Variants in PRKAR1A observed in about 807,000 individuals in gnomAD.
PRKAR1A encodes the protein cAMP-dependent protein kinase type I-alpha regulatory subunit.
Under a neutral mutation model 52.0 loss-of-function variants are expected in PRKAR1A, and 3 were observed. The observed-to-expected ratio is 0.06, with a 90% confidence interval of 0.03 to 0.15. PRKAR1A has a LOEUF of 0.15. Ranked by LOEUF, PRKAR1A falls within the 10% of genes least tolerant of loss-of-function variation. The pLI, the probability that PRKAR1A is intolerant of heterozygous loss-of-function variation, is 1.00. For synonymous variants in PRKAR1A, 188 were observed against 168.4 expected (o/e 1.12, Z -0.90); for missense variants, 240 against 477.4 (o/e 0.50, Z 4.63).
the PRKAR1A span, among the ~76,000 whole-genome samples, chr17:68,448,825 A>C: frequency 6.6e-6 from 1 of 152,354 alleles, no homozygotes; most frequent in East Asian, 1.9e-4. Flanking sequence ...AAAACACCTG[A>C]GTCAAGAATT....
At chr17:68,500,695 T>G in the PRKAR1A span, among the ~76,000 whole-genome samples, 1 of 152,030 alleles carries the variant, frequency 6.6e-6, no homozygotes, top group Admixed American at 6.6e-5. Context: ...TTTTCTATTT[T>G]TAGTAGAGAT....
intron 11 of PRKAR1A, among the ~76,000 whole-genome samples, chr17:68,540,160 G>A (rs2143465069): frequency 6.6e-6 from 1 of 152,294 alleles, no homozygotes; most frequent in Non-Finnish European, 1.5e-5. Flanking sequence ...AGCGAAACAA[G>A]CAAACCCTAA....
intron 5 of PRKAR1A, 27 bp from the exon 6 acceptor site, chr17:68,524,885 G>A (rs763511465): frequency 6.4e-6 from 10 of 1,559,500 alleles, no homozygotes; most frequent in Non-Finnish European, 8.0e-6. Context: ...TTTGGAATAT[G>A]CTTCTAACTT....
Position 68,529,973 on chromosome 17 carries a change from G to C in PRKAR1A, c.945G>C (p.Val315=). The change falls in exon 10 of 11, where the codon GTG becomes GTC. Residue 315 remains valine, a synonymous_variant. Coordinates refer to ENST00000589228, the MANE Select transcript of PRKAR1A (RefSeq NM_002734.5). The part of the protein sequence containing the change: ...RRSENEEFVE[V]GRLGPSDYFG... ...CAGAAAATGAAGAGTTTGTTGAAGT[G>C]GGAAGATTGGGGCCTTCTGATTATT... 1.2e-6 allele frequency: 2 copies of C among 1,614,016 alleles called. No individual in the cohort carries two copies. The highest frequency in any genetic ancestry group is 1.7e-6 in the Non-Finnish European group (2 of 1,179,960).
the PRKAR1A span, among the ~76,000 whole-genome samples, chr17:68,482,769 G>A: frequency 6.6e-6 from 1 of 152,212 alleles, no homozygotes; most frequent in African/African-American, 2.4e-5. Flanking sequence ...GGTGGACAAA[G>A]GAAGGGCCAG....
At chr17:68,483,004 C>A in the PRKAR1A span, among the ~76,000 whole-genome samples, 2 of 152,146 alleles carry the variant, frequency 1.3e-5, no homozygotes, top group Non-Finnish European at 2.9e-5. Flanking sequence ...ACAAATCATG[C>A]TGTGGTGTCA....
the PRKAR1A span, chr17:68,420,175 C>A: frequency 6.2e-7 from 1 of 1,612,548 alleles, no homozygotes; most frequent in South Asian, 1.1e-5. Context: ...CATTTGTTGT[C>A]ATTCCCTCTC....
the PRKAR1A span, among the ~76,000 whole-genome samples, chr17:68,489,997 A>T: frequency 6.6e-6 from 1 of 152,236 alleles, no homozygotes; most frequent in Non-Finnish European, 1.5e-5. Context: ...ATTTGCCCTG[A>T]TTACTCAACA....
chr17:68,494,534 T>G, the PRKAR1A span, among the ~76,000 whole-genome samples: 3 of 151,854 alleles, frequency 2.0e-5, no homozygotes, highest in Middle Eastern at 3.2e-3. Context: ...GAGGGAGACT[T>G]TGTCTCAAAA....
the PRKAR1A span, among the ~76,000 whole-genome samples, chr17:68,494,960 A>G: frequency 8.9e-3 from 1,354 of 152,324 alleles, 29 homozygotes; most frequent in African/African-American, 0.031. Flanking sequence ...TATTAAACAA[A>G]GAAAGTCTTC....
At position 68,532,096 on chromosome 17, in the gene PRKAR1A, G is replaced by A; in HGVS notation, c.*1647G>A. 3 of 1,064,816 alleles carry A rather than the reference G, an allele frequency of 2.8e-6. No homozygotes were observed. The South Asian group carries it at 1.4e-4, about 49-fold the overall frequency. The allele number at this position is 1,064,816 out of a possible 1,614,324, so 66.0% of individuals were successfully genotyped here. On this transcript the variant is annotated 3_prime_UTR_variant, in exon 11 of 11. Transcript: ENST00000589228. ...GGGAAGAGGTTTTATTTACATTTTA[G>A]GGTGGGTAAGAAAGCCACCTTGTTA...
the PRKAR1A span, among the ~76,000 whole-genome samples, chr17:68,489,266 G>GTA: frequency 5.3e-3 from 49 of 9,312 alleles, 3 homozygotes; most frequent in South Asian, 0.014. Context: ...TATATGGAAA[G>GTA]TATATATATA....
Position 68,530,476 on chromosome 17 carries a change from T to C in PRKAR1A, c.*27T>C. On this transcript the variant is annotated 3_prime_UTR_variant, in exon 11 of 11. Coordinates refer to ENST00000589228, the MANE Select transcript of PRKAR1A (RefSeq NM_002734.5). ...ATCTGCCTCCTGTGCCTCCCTTTTC[T>C]CCTCTCCCCAATCCATGCTTCACTC... 2 of 1,613,948 alleles carry C rather than the reference T, an allele frequency of 1.2e-6. No homozygotes were observed. Among genetic ancestry groups the C allele is most frequent in the South Asian group, 2.2e-5 (2 of 91,084 alleles).
downstream of PRKAR1A, chr17:68,537,772 A>C: frequency 6.3e-7 from 1 of 1,593,220 alleles, no homozygotes; most frequent in Non-Finnish European, 8.6e-7. The surrounding 1 kb of genome is among the most constrained non-coding windows in gnomAD (Gnocchi z 4.2). Flanking sequence ...GAACCAAATA[A>C]GCAAATGTAA....
the PRKAR1A span, among the ~76,000 whole-genome samples, chr17:68,499,530 GCTTCCGACCAGATGGGC>G: frequency 1.8e-4 from 27 of 152,238 alleles, no homozygotes; most frequent in Non-Finnish European, 2.9e-5. Flanking sequence ...AGCAAGCCAG[GCTTCCGACCAGATGGGC>G]TATCCATCAG....
At chr17:68,537,409 C>T (rs2086124700), downstream of PRKAR1A, 2 of 1,603,432 alleles carry the variant, frequency 1.2e-6, no homozygotes, top group African/African-American at 1.3e-5. The surrounding 1 kb of genome is among the most constrained non-coding windows in gnomAD (Gnocchi z 4.2). Context: ...AGTGAGGACG[C>T]AGGGTCGGCA....
the PRKAR1A span, among the ~76,000 whole-genome samples, chr17:68,446,105 A>G: frequency 6.6e-6 from 1 of 152,190 alleles, no homozygotes; most frequent in Non-Finnish European, 1.5e-5. Flanking sequence ...CTATTCCCCA[A>G]GGAAGACTAT....
chr17:68,495,971 CCT>C, the PRKAR1A span, among the ~76,000 whole-genome samples: 24 of 36,324 alleles, frequency 6.6e-4, no homozygotes, highest in African/African-American at 2.3e-3. Flanking sequence ...TCTCTCCTCT[CCT>C]CTCTCCTCTC....
the PRKAR1A span, among the ~76,000 whole-genome samples, chr17:68,449,268 G>A: frequency 4.6e-5 from 7 of 152,180 alleles, no homozygotes; most frequent in Non-Finnish European, 8.8e-5. Flanking sequence ...TTATGAGCAC[G>A]TATCTACCAA....
Sources: gnomAD v4.1 joint callset for allele counts (sites outside exome capture counted in the v4.1 genomes callset) on GRCh38, gnomAD v4.1.1 for gene constraint, Gnocchi (gnomAD v3.1) non-coding constraint, MANE v1.5 for transcripts, NCBI Gene and HGNC (gene_info 2026-07-23, HGNC 2026-07-21) for gene names.